Variants in XRRA1 observed in about 807,000 individuals in gnomAD.
XRRA1 encodes the protein X-ray radiation resistance-associated protein 1.
XRRA1 carries 69 observed loss-of-function variants against 80.2 expected under a neutral mutation model. That is an observed-to-expected ratio of 0.86 (90% CI 0.71 to 1.05). The LOEUF is 1.05. Ranked by LOEUF, XRRA1 falls within the 50% of genes least tolerant of loss-of-function variation. The probability of loss-of-function intolerance (pLI) is 0.00; values close to 1 mark genes in which losing one functional copy is unlikely to be tolerated. For missense variants in XRRA1, 967 were observed against 976.4 expected (o/e 0.99, Z 0.13); for synonymous variants, 348 against 389.9 (o/e 0.89, Z 1.27).
At chr11:74,942,513 C>G (rs529758395) in intron 2 of XRRA1, among the ~76,000 whole-genome samples, 1 of 152,182 alleles carries the variant, frequency 6.6e-6, no homozygotes, top group Admixed American at 6.5e-5. Context: ...CTGAGGAACA[C>G]GTAGGGGGAC....
intron 8 of XRRA1, chr11:74,913,834 TTTG>T (rs1427677324): frequency 6.6e-6 from 1 of 152,184 alleles, no homozygotes; most frequent in East Asian, 1.9e-4. Flanking sequence ...GGATTAATTT[TTTG>T]TTGTTATCCA....
At chr11:74,906,142 G>C (rs992441301) in intron 10 of XRRA1, 97 bp downstream of exon 10, 1 of 1,149,142 alleles carries the variant, frequency 8.7e-7, no homozygotes, top group African/African-American at 1.5e-5. Flanking sequence ...TTCAATTCGT[G>C]ATATTCACCA....
intron 8 of XRRA1, among the ~76,000 whole-genome samples, chr11:74,912,488 C>T (rs1200497975): frequency 6.6e-6 from 1 of 152,154 alleles, no homozygotes; most frequent in East Asian, 1.9e-4. Flanking sequence ...CCAAGGCATG[C>T]CACAGAATAG....
intron 10 of XRRA1, among the ~76,000 whole-genome samples, chr11:74,873,942 T>TA (rs1256918408): frequency 2.0e-5 from 3 of 151,442 alleles, no homozygotes; most frequent in Admixed American, 6.6e-5. Context: ...TATCACCTCA[T>TA]AAAAAAAACT....
intron 15 of XRRA1, among the ~76,000 whole-genome samples, chr11:74,847,584 G>C (rs917810312): frequency 6.6e-6 from 1 of 152,066 alleles, no homozygotes; most frequent in Non-Finnish European, 1.5e-5. Flanking sequence ...CAGCTCAGTT[G>C]AGCCTCTTCC....
At chr11:74,902,827 AGAAT>A (rs989338339) in intron 10 of XRRA1, among the ~76,000 whole-genome samples, 5 of 152,174 alleles carry the variant, frequency 3.3e-5, no homozygotes, top group African/African-American at 1.2e-4. Context: ...CAAAAAAAAT[AGAAT>A]GAATAAGACC....
At chr11:74,931,131 CGT>C (rs61614618) in intron 5 of XRRA1, among the ~76,000 whole-genome samples, 7 of 149,492 alleles carry the variant, frequency 4.7e-5, no homozygotes, top group South Asian at 2.1e-4. Context: ...TATGCTTATA[CGT>C]GTGTGTGTGT....
At chr11:74,859,359 A>G (rs1363240160) in intron 11 of XRRA1, 76 bp from the exon 12 acceptor site, 25 of 1,476,246 alleles carry the variant, frequency 1.7e-5, no homozygotes, top group Non-Finnish European at 1.9e-5. Flanking sequence ...GACCCTTTCA[A>G]TGGAACAGGG....
intron 6 of XRRA1, among the ~76,000 whole-genome samples, chr11:74,929,326 G>A (rs1942984838): frequency 6.6e-6 from 1 of 151,854 alleles, no homozygotes; most frequent in Non-Finnish European, 1.5e-5. Flanking sequence ...CACCCTTCTT[G>A]TCACAATCCT....
At chr11:74,923,002 A>G (rs1286880424) in intron 7 of XRRA1, among the ~76,000 whole-genome samples, 2 of 152,132 alleles carry the variant, frequency 1.3e-5, no homozygotes, top group Non-Finnish European at 2.9e-5. Context: ...AAATACATGT[A>G]TATGTTCATT....
At chr11:74,853,385 T>C (rs1351013772) in intron 12 of XRRA1, among the ~76,000 whole-genome samples, 4 of 152,224 alleles carry the variant, frequency 2.6e-5, no homozygotes, top group African/African-American at 9.7e-5. Context: ...CCCAGGCAGC[T>C]ACATGTGGTC....
chr11:74,915,373 G>A (rs893832196), intron 8 of XRRA1, among the ~76,000 whole-genome samples: 6 of 152,162 alleles, frequency 3.9e-5, no homozygotes, highest in African/African-American at 1.4e-4. Context: ...CCCCTGTGGC[G>A]GAGACTCTCA....
At chr11:74,942,279 T>C (rs1946485588) in intron 2 of XRRA1, among the ~76,000 whole-genome samples, 2 of 151,968 alleles carry the variant, frequency 1.3e-5, no homozygotes, top group African/African-American at 4.8e-5. Context: ...AAATAGGCCA[T>C]GAGCAAGTAG....
intron 8 of XRRA1, among the ~76,000 whole-genome samples, chr11:74,908,840 T>C (rs78526631): frequency 0.024 from 3,634 of 152,250 alleles, 128 homozygotes; most frequent in African/African-American, 0.083. Context: ...AAATAATCTC[T>C]TCGTGGCTGG....
rs773372300 is a variant in XRRA1, at chr11:74,862,945, ACTC to A, written c.1044+33_1044+35del. ...TTTGTCTATTAAAATTAATGTTCTAACTCAGGAACACAAATATAAAGTAGTCAG... is the reference window on the plus strand; with the variant it reads ...TTTGTCTATTAAAATTAATGTTCTAAAGGAACACAAATATAAAGTAGTCAG... On this transcript the variant is annotated intron_variant, in intron 11 of 18. Transcript: ENST00000684022. The A allele has an allele frequency of 1.8e-5, 27 of 1,524,312 alleles. No homozygotes were observed. In the Middle Eastern group the frequency reaches 5.1e-4, roughly 29 times the overall value. 94.4% of individuals were successfully genotyped at this position (1,524,312 alleles called of 1,614,324 possible).
intron 8 of XRRA1, among the ~76,000 whole-genome samples, chr11:74,913,431 T>A (rs2056324891): frequency 6.6e-6 from 1 of 152,238 alleles, no homozygotes. Flanking sequence ...GATTGTAGAT[T>A]CCTGTAAGCT....
intron 10 of XRRA1, among the ~76,000 whole-genome samples, chr11:74,895,472 G>C (rs1029284608): frequency 1.3e-5 from 2 of 152,208 alleles, no homozygotes; most frequent in African/African-American, 4.8e-5. Context: ...TGGAGTTCTA[G>C]ATAAACTTGA....
At chr11:74,893,378 G>A (rs1315384031) in intron 10 of XRRA1, among the ~76,000 whole-genome samples, 2 of 148,890 alleles carry the variant, frequency 1.3e-5, no homozygotes, top group Admixed American at 6.8e-5. Context: ...GACACAGGAA[G>A]GGAACATCAC....
At chr11:74,851,372 C>A (rs2039803140) in intron 13 of XRRA1, among the ~76,000 whole-genome samples, 169 bp from the exon 14 acceptor site, 1 of 152,140 alleles carries the variant, frequency 6.6e-6, no homozygotes, top group African/African-American at 2.4e-5. Flanking sequence ...TACCTCCTAC[C>A]ATTATTCCCA....
Sources: allele counts gnomAD v4.1 joint callset (sites outside exome capture counted in the v4.1 genomes callset), GRCh38; gene constraint gnomAD v4.1.1; transcripts MANE v1.5; gene names NCBI Gene and HGNC (gene_info 2026-07-23, HGNC 2026-07-21).